The following NEDD4L variants were observed in gnomAD, a reference collection of about 807,000 sequenced individuals.
NEDD4L encodes E3 ubiquitin-protein ligase NEDD4-like.
A neutral mutation model predicts 148.9 loss-of-function variants in NEDD4L; 54 were observed. That is an observed-to-expected ratio of 0.36 (90% CI 0.29 to 0.45). The LOEUF (loss-of-function observed/expected upper bound fraction) is 0.45. Ranked by LOEUF, NEDD4L falls within the 20% of genes least tolerant of loss-of-function variation. The probability of loss-of-function intolerance (pLI) is 1.00; values close to 1 mark genes in which losing one functional copy is unlikely to be tolerated. For synonymous variants in NEDD4L, 433 were observed against 440.7 expected (o/e 0.98, Z 0.22); for missense variants, 856 against 1,233.8 (o/e 0.69, Z 4.59).
chr18:58,076,379 A>T (rs1157273754), intron 1 of NEDD4L, among the ~76,000 whole-genome samples: 2 of 152,200 alleles, frequency 1.3e-5, no homozygotes, highest in Non-Finnish European at 2.9e-5. Context: ...AGTAAAGCAT[A>T]AAAAAACCTT....
At chr18:58,274,112 C>T (rs374940422) in intron 5 of NEDD4L, among the ~76,000 whole-genome samples, 47 of 150,726 alleles carry the variant, frequency 3.1e-4, no homozygotes, top group African/African-American at 1.0e-3. Flanking sequence ...AAGTGAGCCA[C>T]GTAGAGAGAA....
At chr18:58,072,865 C>T (rs73959478) in intron 1 of NEDD4L, among the ~76,000 whole-genome samples, 7,426 of 118,714 alleles carry the variant, frequency 0.063, 595 homozygotes, top group African/African-American at 0.28. Context: ...AAGGCGCGCG[C>T]GCGCGCGCAC....
At chr18:58,223,293 T>C (rs971748124) in intron 2 of NEDD4L, among the ~76,000 whole-genome samples, 3 of 152,206 alleles carry the variant, frequency 2.0e-5, no homozygotes, top group Non-Finnish European at 4.4e-5. Flanking sequence ...TAAATGTTGA[T>C]TTAAAACGAC....
intron 2 of NEDD4L, among the ~76,000 whole-genome samples, chr18:58,224,392 T>C (rs186558527): frequency 3.3e-5 from 5 of 152,298 alleles, no homozygotes; most frequent in Admixed American, 3.3e-4. Context: ...GGAGTTTATT[T>C]TGGCCGAGAT....
chr18:58,097,365 A>G (rs2084480059), intron 1 of NEDD4L, among the ~76,000 whole-genome samples: 1 of 152,206 alleles, frequency 6.6e-6, no homozygotes. Flanking sequence ...TGGGAGAAGC[A>G]TTCCATCCCT....
rs375272237 is a variant in NEDD4L at position 58,349,646 on chromosome 18, G to C, written c.1653+32G>C. ...ACACTGGAGACACATGGAATGGTCT[G>C]AATATGTGTGTTCCTTTATCCGCTC... On this transcript the variant is annotated intron_variant, in intron 17 of 30. Transcript: ENST00000400345. 1.4e-5 allele frequency: 21 copies of C among 1,506,564 alleles called. No individual in the cohort carries two copies. The Admixed American group carries it at 1.8e-4, about 13-fold the overall frequency. The allele number at this position is 1,506,564 out of a possible 1,614,324, so 93.3% of individuals were successfully genotyped here. A position where few individuals can be genotyped will look rare whatever the true frequency, so the allele number is the denominator to read the frequency against.
chr18:58,272,815 A>G lies in NEDD4L; in HGVS notation c.297+20761A>G, dbSNP rs189526234. On this transcript the variant is annotated intron_variant, in intron 5 of 30. Coordinates refer to ENST00000400345, the MANE Select transcript of NEDD4L (RefSeq NM_001144967.3). ...CGAGTTCTAGAGATGCAAGTAGTAC[A>G]TAAGACAGATGTGGCCCCTGCCCTT... 2.6e-4 allele frequency among the ~76,000 whole-genome samples: 39 copies of G among 152,362 alleles called. No homozygotes were observed. The East Asian group carries it at 5.6e-3, about 22-fold the overall frequency.
chr18:58,179,110 A>T (rs1296982254), intron 2 of NEDD4L, among the ~76,000 whole-genome samples: 1 of 152,230 alleles, frequency 6.6e-6, no homozygotes, highest in Non-Finnish European at 1.5e-5. Flanking sequence ...GTGATTTTAA[A>T]CATTATTTAG....
intron 1 of NEDD4L, among the ~76,000 whole-genome samples, chr18:58,130,627 G>A (rs60946479): frequency 0.18 from 16,390 of 90,224 alleles, 3,252 homozygotes; most frequent in Non-Finnish European, 0.23. Context: ...GAACTGTGGC[G>A]GTGTTGGGCT....
At chr18:58,252,756 C>G (rs1463155660) in intron 5 of NEDD4L, among the ~76,000 whole-genome samples, 1 of 152,118 alleles carries the variant, frequency 6.6e-6, no homozygotes, top group Non-Finnish European at 1.5e-5. Context: ...GGGTCTCCCT[C>G]TGTCACCCAG....
At chr18:58,183,571 C>A (rs377642913) in intron 2 of NEDD4L, among the ~76,000 whole-genome samples, 3 of 152,188 alleles carry the variant, frequency 2.0e-5, no homozygotes, top group African/African-American at 7.2e-5. Flanking sequence ...TGCAGCACCC[C>A]CCTCCTTGGA....
intron 24 of NEDD4L, among the ~76,000 whole-genome samples, chr18:58,377,780 G>A (rs891906088): frequency 1.3e-5 from 2 of 151,828 alleles, no homozygotes; most frequent in African/African-American, 4.9e-5. Context: ...GTCTCGCTCT[G>A]TCACCCAGGC....
intron 1 of NEDD4L, among the ~76,000 whole-genome samples, chr18:58,118,257 T>C (rs1332471447): frequency 6.6e-6 from 1 of 152,262 alleles, no homozygotes; most frequent in African/African-American, 2.4e-5. Context: ...CCTGCCGGAT[T>C]CTGGTAAGGC....
intron 22 of NEDD4L, among the ~76,000 whole-genome samples, chr18:58,369,960 C>T (rs541363022): frequency 6.6e-6 from 1 of 152,350 alleles, no homozygotes; most frequent in South Asian, 2.1e-4. Context: ...CTCCCCACTG[C>T]CCTCAGAGAG....
intron 1 of NEDD4L, among the ~76,000 whole-genome samples, chr18:58,088,575 C>T (rs1014816623): frequency 6.6e-6 from 1 of 152,070 alleles, no homozygotes; most frequent in African/African-American, 2.4e-5. Flanking sequence ...ATGTATATGC[C>T]CTCTGCTTTT....
intron 1 of NEDD4L, chr18:58,149,606 TC>T (rs1416300754): frequency 1.5e-5 from 19 of 1,272,272 alleles, no homozygotes; most frequent in Non-Finnish European, 2.0e-5. Flanking sequence ...GGTTTTACCT[TC>T]CTGTGGCATT....
At chr18:58,096,284 G>T (rs1367046395) in intron 1 of NEDD4L, among the ~76,000 whole-genome samples, 1 of 151,694 alleles carries the variant, frequency 6.6e-6, no homozygotes, top group African/African-American at 2.4e-5. Flanking sequence ...TTGATAAAAG[G>T]CATTCTGTGG....
intron 10 of NEDD4L, among the ~76,000 whole-genome samples, chr18:58,329,742 A>C (rs1265755489): frequency 6.8e-6 from 1 of 147,026 alleles, no homozygotes; most frequent in African/African-American, 2.5e-5. Context: ...CTCATGATCC[A>C]CCTGCCTTGG....
At position 58,351,799 on chromosome 18, in the gene NEDD4L, T is replaced by A. The variant is rs140124481; in HGVS notation, c.1708+754T>A. Among the ~76,000 whole-genome samples the A allele has an allele frequency of 9.5e-4, 145 of 152,372 alleles. 1 individual carries two copies. The highest frequency in any genetic ancestry group is 3.3e-3 in the African/African-American group (139 of 41,594). ...TTCAACCATGAGTGCAATTTGGTAG[T>A]ATCTTGGTCTTTGCTTTCATTTGGT... On this transcript the variant is annotated intron_variant, in intron 18 of 30. Transcript: ENST00000400345.
Sources: gnomAD v4.1 joint callset for allele counts (sites outside exome capture counted in the v4.1 genomes callset) on GRCh38, gnomAD v4.1.1 for gene constraint, MANE v1.5 for transcripts, NCBI Gene and HGNC (gene_info 2026-07-23, HGNC 2026-07-21) for gene names.